Variants in PCDHA3 observed in about 807,000 individuals in gnomAD.
The protein encoded by PCDHA3 is protocadherin alpha 3.
In PCDHA3, 41 loss-of-function variants were observed where a neutral mutation model predicts 62.2. The ratio of observed to expected loss-of-function variants is 0.66; its 90% CI spans 0.51 to 0.86. The LOEUF (loss-of-function observed/expected upper bound fraction) is 0.86. PCDHA3 is among the 40% of genes least tolerant of loss of function. The pLI, the probability that PCDHA3 is intolerant of heterozygous loss-of-function variation, is 0.00. For missense variants in PCDHA3, 1,304 were observed against 1,241.2 expected, an observed-to-expected ratio of 1.05 and a Z score of -0.76; for synonymous variants, 640 against 555.4, an observed-to-expected ratio of 1.15 and a Z score of -2.14.
At chr5:140,996,926 T>C (rs569386997) in intron 3 of PCDHA3, among the ~76,000 whole-genome samples, 4 of 152,320 alleles carry the variant, frequency 2.6e-5, no homozygotes, top group Middle Eastern at 3.4e-3. Flanking sequence ...TTAAAAAATA[T>C]AGCATTTTTG....
chr5:140,805,194 A>G (rs187521466), intron 1 of PCDHA3: 16,210 of 1,459,160 alleles, frequency 0.011, 123 homozygotes, highest in Non-Finnish European at 0.014. Context: ...TAAATATTGA[A>G]TAGCTACCAA....
chr5:140,853,444 A>G, intron 1 of PCDHA3: 1 of 982,390 alleles, frequency 1.0e-6, no homozygotes, highest in Non-Finnish European at 1.2e-6. Context: ...TATTTTGCCT[A>G]ATAGGTCTCC....
intron 1 of PCDHA3, among the ~76,000 whole-genome samples, chr5:140,885,025 T>A (rs2060432297): frequency 6.6e-6 from 1 of 152,228 alleles, no homozygotes; most frequent in Non-Finnish European, 1.5e-5. Context: ...ATCTTAAATT[T>A]AAAAAATTTT....
intron 1 of PCDHA3, among the ~76,000 whole-genome samples, chr5:140,974,337 T>TA (rs2096623719): frequency 6.6e-6 from 1 of 152,214 alleles, no homozygotes; most frequent in Admixed American, 6.5e-5. Context: ...GCTAGCAGGC[T>TA]ATGCATCCAG....
rs143144725 is a variant in PCDHA3 at position 140,850,029 on chromosome 5, G to A, written c.2394+46438G>A. Reference sequence around the variant, plus strand: ...GCTGTCGAGCTACGTGTCAGTGCACGCGGAGAGCGGCAAGGTGTACGCGCT... The same window carrying A: ...GCTGTCGAGCTACGTGTCAGTGCACACGGAGAGCGGCAAGGTGTACGCGCT... On this transcript the variant is annotated intron_variant, in intron 1 of 3. Coordinates refer to ENST00000522353, the MANE Select transcript of PCDHA3 (RefSeq NM_018906.3). 1.3e-4 allele frequency: 205 copies of A among 1,596,756 alleles called. 11 individuals carry two copies. In the African/African-American group the frequency reaches 2.2e-3, roughly 17 times the overall value.
At chr5:140,923,971 A>G (rs557891257) in intron 1 of PCDHA3, among the ~76,000 whole-genome samples, 2 of 152,330 alleles carry the variant, frequency 1.3e-5, no homozygotes, top group East Asian at 3.9e-4. Flanking sequence ...ATACCCACAC[A>G]TACTATCCCT....
chr5:140,900,780 C>T (rs1554189418), intron 1 of PCDHA3, among the ~76,000 whole-genome samples: 1 of 152,192 alleles, frequency 6.6e-6, no homozygotes, highest in Admixed American at 6.5e-5. Flanking sequence ...TTTGAGGAAA[C>T]TCCAAACTGT....
Position 140,842,808 on chromosome 5 carries a change from A to G in PCDHA3, c.2394+39217A>G. 1.3e-6 allele frequency: 2 copies of G among 1,594,086 alleles called. No individual in the cohort carries two copies. Among genetic ancestry groups the G allele is most frequent in the Non-Finnish European group, 1.7e-6 (2 of 1,165,358 alleles). ...GCGCTGGTGTCCTACTCGCTTGTGG[A>G]GCGGCGGGTGGGCGAGCGCTCGCTG... On this transcript the variant is annotated intron_variant, in intron 1 of 3. Coordinates refer to ENST00000522353, the MANE Select transcript of PCDHA3 (RefSeq NM_018906.3).
At chr5:140,969,821 T>C (rs1358078633) in intron 1 of PCDHA3, among the ~76,000 whole-genome samples, 3 of 152,250 alleles carry the variant, frequency 2.0e-5, no homozygotes, top group Non-Finnish European at 4.4e-5. Flanking sequence ...TACTCTGGAC[T>C]GTCTACAGTG....
intron 1 of PCDHA3, chr5:140,882,698 G>GA: frequency 6.2e-7 from 1 of 1,614,200 alleles, no homozygotes; most frequent in Non-Finnish European, 8.5e-7. Flanking sequence ...AATCATTGCA[G>GA]AATCTAGACC....
chr5:140,816,876 A>T (rs1766015210), intron 1 of PCDHA3: 1 of 151,704 alleles, frequency 6.6e-6, no homozygotes, highest in Admixed American at 6.6e-5. Context: ...AGCAGTATTC[A>T]CTCAGCTCTT....
At chr5:140,927,489 C>T (rs147183638) in intron 1 of PCDHA3, 63 of 1,614,126 alleles carry the variant, frequency 3.9e-5, no homozygotes, top group Non-Finnish European at 4.8e-5. Flanking sequence ...GCGCCACCCA[C>T]CTGCTGGTGC....
At chr5:140,967,823 G>A in intron 1 of PCDHA3, 2 of 1,614,162 alleles carry the variant, frequency 1.2e-6, no homozygotes, top group Non-Finnish European at 8.5e-7. Context: ...CAAGGTGCTG[G>A]TGGACATCGT....
intron 1 of PCDHA3, chr5:140,823,380 C>T (rs2150125210): frequency 1.2e-6 from 2 of 1,612,686 alleles, no homozygotes; most frequent in East Asian, 2.2e-5. Flanking sequence ...TCCAGGTGAG[C>T]GCGCGCGACG....
At chr5:140,957,490 G>T (rs921873894) in intron 1 of PCDHA3, among the ~76,000 whole-genome samples, 1 of 152,130 alleles carries the variant, frequency 6.6e-6, no homozygotes, top group South Asian at 2.1e-4. Context: ...CATAGTATAT[G>T]TAGAATTCAG....
In PCDHA3 at chr5:140,801,913, C is replaced by T. The variant is rs781803444; in HGVS notation, c.716C>T (p.Ala239Val). 6 of 1,614,016 alleles carry T rather than the reference C, an allele frequency of 3.7e-6. No homozygotes were observed. The highest frequency in any genetic ancestry group is 4.2e-6 in the Non-Finnish European group (5 of 1,180,038). The change falls in exon 1 of 4, where the codon GCC becomes GTC. Residue 239 changes from alanine to valine, a missense_variant. Ala to Val is a moderately conservative substitution (Grantham distance 64). Coordinates refer to ENST00000522353, the MANE Select transcript of PCDHA3 (RefSeq NM_018906.3). The part of the protein sequence containing the change: ...KITVLDVNDN[A>V]PAFERTIYKV... The stretch of plus-strand genomic sequence containing the variant: ...ACTGTTTTAGATGTAAACGACAACG[C>T]CCCAGCGTTTGAGAGGACGATCTAT...
chr5:140,862,647 C>T (rs2047469341), intron 1 of PCDHA3: 12 of 541,942 alleles, frequency 2.2e-5, no homozygotes, highest in South Asian at 1.7e-4. Context: ...TCACAGTGTC[C>T]GCGCGGGACC....
intron 1 of PCDHA3, chr5:140,926,715 G>C (rs114961630): frequency 2.1e-6 from 2 of 952,238 alleles, no homozygotes; most frequent in Non-Finnish European, 1.4e-6. Flanking sequence ...GGCCAGCCCC[G>C]GCAATGCCGG....
chr5:140,832,759 G>A (rs1485511269), intron 1 of PCDHA3, among the ~76,000 whole-genome samples: 1 of 152,158 alleles, frequency 6.6e-6, no homozygotes, highest in Non-Finnish European at 1.5e-5. Flanking sequence ...GTAAAAGCAA[G>A]AATATTGTAA....
Sources: gnomAD v4.1 joint callset for allele counts (sites outside exome capture counted in the v4.1 genomes callset) on GRCh38, gnomAD v4.1.1 for gene constraint, MANE v1.5 for transcripts, NCBI Gene and HGNC (gene_info 2026-07-23, HGNC 2026-07-21) for gene names.